The following ATG5 variants were observed in gnomAD, a reference collection of about 807,000 sequenced individuals.
ATG5 encodes the protein autophagy protein 5.
In ATG5, 14 loss-of-function variants were observed where a neutral mutation model predicts 36.5. The observed-to-expected ratio is 0.38, with a 90% CI of 0.25 to 0.60. ATG5 has a LOEUF of 0.60. Among genes scored for constraint, ATG5 ranks in the 20% least tolerant of loss-of-function variants. The pLI, the probability that ATG5 is intolerant of heterozygous loss-of-function variation, is 0.60. For missense variants in ATG5, 195 were observed against 326.7 expected (o/e 0.60, Z 3.11); for synonymous variants, 95 against 101.5 (o/e 0.94, Z 0.38).
chr6:106,267,030 G>T (rs771973524), intron 5 of ATG5, among the ~76,000 whole-genome samples: 1 of 151,746 alleles, frequency 6.6e-6, no homozygotes, highest in Admixed American at 6.6e-5. Flanking sequence ...AAAATAAAGG[G>T]TATTCAAATA....
chr6:106,235,824 T>A (rs148255429), intron 6 of ATG5, among the ~76,000 whole-genome samples: 1 of 149,266 alleles, frequency 6.7e-6, no homozygotes, highest in Non-Finnish European at 1.5e-5. Context: ...AAAAAAAAAA[T>A]AGCTTAATTG....
At chr6:106,210,360 T>C (rs1484707185) in intron 6 of ATG5, among the ~76,000 whole-genome samples, 2 of 152,238 alleles carry the variant, frequency 1.3e-5, no homozygotes, top group Non-Finnish European at 2.9e-5. Flanking sequence ...TATTACAATG[T>C]ATAAATCTTA....
At chr6:106,266,387 C>A (rs189423275) in intron 5 of ATG5, among the ~76,000 whole-genome samples, 1 of 152,108 alleles carries the variant, frequency 6.6e-6, no homozygotes, top group Non-Finnish European at 1.5e-5. Flanking sequence ...CAGGACCAGA[C>A]GGATTCACAG....
intron 4 of ATG5, among the ~76,000 whole-genome samples, chr6:106,289,475 A>G (rs2787540): frequency 0.085 from 13,002 of 152,182 alleles, 588 homozygotes; most frequent in South Asian, 0.13. Context: ...AGCTGAAAGA[A>G]ACACACTGAT....
At chr6:106,202,135 G>T (rs1172846428) in intron 6 of ATG5, 46 bp from the exon 7 acceptor site, 1 of 1,468,840 alleles carries the variant, frequency 6.8e-7, no homozygotes, top group South Asian at 1.1e-5. Context: ...AGTCTTTGTT[G>T]CTGCCAATTA....
intron 4 of ATG5, among the ~76,000 whole-genome samples, chr6:106,284,243 T>C (rs1779992234): frequency 6.6e-6 from 1 of 152,244 alleles, no homozygotes; most frequent in Admixed American, 6.5e-5. Flanking sequence ...TATCATTTGA[T>C]GACATACCAA....
chr6:106,252,970 T>C (rs1253435639), intron 5 of ATG5, among the ~76,000 whole-genome samples: 2 of 152,250 alleles, frequency 1.3e-5, no homozygotes, highest in Non-Finnish European at 2.9e-5. Flanking sequence ...AAATTTTCCA[T>C]CTGTCAACAG....
intron 7 of ATG5, among the ~76,000 whole-genome samples, chr6:106,198,789 A>G (rs186392036): frequency 1.4e-5 from 2 of 138,460 alleles, no homozygotes; most frequent in African/African-American, 5.7e-5. Context: ...AAAAAAAAAG[A>G]GAGAGAGTGA....
intron 6 of ATG5, among the ~76,000 whole-genome samples, chr6:106,217,116 A>G (rs1050284819): frequency 1.3e-5 from 2 of 152,162 alleles, no homozygotes; most frequent in African/African-American, 2.4e-5. Context: ...ATAAAAACAA[A>G]TTTTAAAAAA....
At chr6:106,232,882 C>T (rs1312510982) in intron 6 of ATG5, among the ~76,000 whole-genome samples, 4 of 152,166 alleles carry the variant, frequency 2.6e-5, no homozygotes, top group Non-Finnish European at 2.9e-5. Flanking sequence ...TACATCCTGA[C>T]TCTCAATTCT....
chr6:106,321,983 C>A (rs1771095851), intron 1 of ATG5, among the ~76,000 whole-genome samples: 1 of 152,152 alleles, frequency 6.6e-6, no homozygotes, highest in African/African-American at 2.4e-5. Context: ...CTCTCCAAAT[C>A]AGTATAGTCG....
chr6:106,249,491 C>T (rs1778479694), intron 5 of ATG5, among the ~76,000 whole-genome samples: 2 of 152,188 alleles, frequency 1.3e-5, no homozygotes, highest in African/African-American at 4.8e-5. Flanking sequence ...TTTGTTCTCT[C>T]AGTTGACTGA....
chr6:106,295,207 GTCT>G (rs1415535015), intron 3 of ATG5, among the ~76,000 whole-genome samples: 1 of 151,968 alleles, frequency 6.6e-6, no homozygotes, highest in Non-Finnish European at 1.5e-5. Context: ...ACCTTTTAAC[GTCT>G]TCAATTTATT....
chr6:106,191,487 C>T (rs1775965097), intron 7 of ATG5, among the ~76,000 whole-genome samples: 1 of 152,146 alleles, frequency 6.6e-6, no homozygotes, highest in Non-Finnish European at 1.5e-5. Flanking sequence ...CAAAATATTT[C>T]TTTCAGAGTG....
At chr6:106,265,576 G>A (rs1373003163) in intron 5 of ATG5, among the ~76,000 whole-genome samples, 1 of 152,108 alleles carries the variant, frequency 6.6e-6, no homozygotes, top group Non-Finnish European at 1.5e-5. Flanking sequence ...CATAGCATGT[G>A]TATTCTAAAA....
At chr6:106,244,493 T>C (rs1778254938) in intron 6 of ATG5, among the ~76,000 whole-genome samples, 1 of 152,214 alleles carries the variant, frequency 6.6e-6, no homozygotes, top group Admixed American at 6.5e-5. Flanking sequence ...TTCTCATGAC[T>C]CTTTGCCTAT....
At chr6:106,311,133 G>A (rs1264200773) in intron 2 of ATG5, among the ~76,000 whole-genome samples, 1 of 152,076 alleles carries the variant, frequency 6.6e-6, no homozygotes, top group Admixed American at 6.5e-5. Flanking sequence ...GACCTTTCTA[G>A]GACAAAAATA....
chr6:106,212,809 A>G (rs1776907828), intron 6 of ATG5, among the ~76,000 whole-genome samples: 1 of 152,252 alleles, frequency 6.6e-6, no homozygotes, highest in Non-Finnish European at 1.5e-5. Context: ...TGAAATGGTG[A>G]CAAAGATGAA....
chr6:106,296,788 A>G (rs961744023), intron 3 of ATG5, among the ~76,000 whole-genome samples: 1 of 152,230 alleles, frequency 6.6e-6, no homozygotes, highest in Non-Finnish European at 1.5e-5. Flanking sequence ...ACTGCACTCC[A>G]GCCTAGGCAA....
Sources: gnomAD v4.1 joint callset for allele counts (sites outside exome capture counted in the v4.1 genomes callset) on GRCh38, gnomAD v4.1.1 for gene constraint, MANE v1.5 for transcripts, NCBI Gene and HGNC (gene_info 2026-07-23, HGNC 2026-07-21) for gene names.